KIF26B: variants seen among roughly 807,000 people sequenced by gnomAD.
KIF26B encodes kinesin family member 26B.
A neutral mutation model predicts 151.2 loss-of-function variants in KIF26B; 63 were observed. The observed-to-expected ratio is 0.42, with a 90% confidence interval of 0.34 to 0.51. The LOEUF (loss-of-function observed/expected upper bound fraction) is 0.51. KIF26B is among the 20% of genes least tolerant of loss of function. The probability of loss-of-function intolerance (pLI) is 0.07; values close to 1 mark genes in which losing one functional copy is unlikely to be tolerated. For missense variants in KIF26B, 2,813 were observed against 2,913.6 expected (o/e 0.97, Z 0.79); for synonymous variants, 1,357 against 1,262.1 (o/e 1.08, Z -1.59).
In KIF26B at chr1:245,704,219, A is replaced by G. The variant is rs1016439731; in HGVS notation, c.*1613A>G. ...ACGCTTCCCTTTTGCCCTCAAATGC[A>G]GCATATCTTCATGAGCCTATTTATT... On this transcript the variant is annotated 3_prime_UTR_variant, in exon 15 of 15. Transcript: ENST00000407071. The G allele has an allele frequency of 6.6e-6, 1 of 152,266 alleles. No individual in the cohort carries two copies. The highest frequency in any genetic ancestry group is 1.5e-5 in the Non-Finnish European group (1 of 68,062). 9.4% of individuals were successfully genotyped at this position (152,266 alleles called of 1,614,324 possible).
intron 9 of KIF26B, among the ~76,000 whole-genome samples, chr1:245,623,026 G>GTTTTTTTT (rs56666383): frequency 1.2e-4 from 13 of 111,854 alleles, no homozygotes; most frequent in Non-Finnish European, 2.0e-4. Flanking sequence ...TCGTGAGCAA[G>GTTTTTTTT]TTTTTTTTTT....
In KIF26B at chr1:245,705,202, CCTCGCAGGAT is replaced by C. The variant is rs1463106184; in HGVS notation, c.*2605_*2614del. The C allele has an allele frequency of 1.3e-5, 2 of 152,214 alleles. No individual in the cohort carries two copies. The highest frequency in any genetic ancestry group is 6.5e-5 in the Admixed American group (1 of 15,286). The allele number at this position is 152,214 out of a possible 1,614,324, so 9.4% of individuals were successfully genotyped here. ...TTCCCAAGATGGCAATCACAGAACA[CCTCGCAGGAT>C]CTCGCAGGCCACGGTGAAGGAGAAT... is the stretch of plus-strand genomic sequence containing the variant. On this transcript the variant is annotated 3_prime_UTR_variant, in exon 15 of 15. Transcript: ENST00000407071.
rs770512246 is a variant in KIF26B, at chr1:245,667,968, T to C, written c.2259-16265T>C. ...TGCAGTGCAGTGGCGCAATCTCAGC[T>C]CACTGCAACTTCCACCTCCCAGGTT... On this transcript the variant is annotated intron_variant, in intron 10 of 14. Coordinates refer to ENST00000407071, the MANE Select transcript of KIF26B (RefSeq NM_018012.4). This position sits in a 1 kb window ranked among gnomAD's most constrained non-coding sequence, Gnocchi z 4.3. Among the ~76,000 whole-genome samples, 1 of 152,204 alleles carries C rather than the reference T, an allele frequency of 6.6e-6. No homozygotes were observed.
intron 3 of KIF26B, among the ~76,000 whole-genome samples, chr1:245,407,522 C>G (rs551784212): frequency 2.6e-5 from 4 of 151,884 alleles, no homozygotes; most frequent in African/African-American, 4.8e-5. Context: ...CTTTCTTCCC[C>G]GAATCCAGCA....
chr1:245,623,916 G>A (rs548968297), intron 9 of KIF26B, among the ~76,000 whole-genome samples: 6 of 152,220 alleles, frequency 3.9e-5, no homozygotes, highest in Admixed American at 6.5e-5. Flanking sequence ...CTCTGTCCTC[G>A]CCCAAATTTC....
chr1:245,320,801 C>A (rs1234483383), intron 2 of KIF26B, among the ~76,000 whole-genome samples: 1 of 152,158 alleles, frequency 6.6e-6, no homozygotes, highest in African/African-American at 2.4e-5. Context: ...CCTCAGCCTT[C>A]TGAGTAGCTG....
chr1:245,681,996 A>G (rs141882882), intron 10 of KIF26B, among the ~76,000 whole-genome samples: 5,964 of 152,290 alleles, frequency 0.039, 314 homozygotes, highest in African/African-American at 0.12. Flanking sequence ...TAATCCCAGC[A>G]CTTTGGGAGG....
At chr1:245,306,065 G>GA (rs528843596) in intron 2 of KIF26B, among the ~76,000 whole-genome samples, 417 of 151,656 alleles carry the variant, frequency 2.7e-3, no homozygotes, top group Middle Eastern at 0.017. Flanking sequence ...CCCTTGTTAT[G>GA]AAAAAACATG....
At chr1:245,316,040 C>G (rs1163417892) in intron 2 of KIF26B, among the ~76,000 whole-genome samples, 1 of 152,188 alleles carries the variant, frequency 6.6e-6, no homozygotes, top group African/African-American at 2.4e-5. Context: ...GTGGGCCTAA[C>G]TAGACCACAG....
intron 5 of KIF26B, among the ~76,000 whole-genome samples, chr1:245,578,371 G>T (rs751099601): frequency 2.0e-5 from 3 of 152,222 alleles, no homozygotes; most frequent in African/African-American, 4.8e-5. Flanking sequence ...ATCCTTGTGT[G>T]CAAGTCCTGA....
intron 2 of KIF26B, among the ~76,000 whole-genome samples, chr1:245,235,616 G>A (rs192267314): frequency 6.6e-6 from 1 of 151,852 alleles, no homozygotes; most frequent in African/African-American, 2.4e-5. Context: ...AGGGAGAGAC[G>A]GAGGGAGAGA....
rs570247434 is a variant in KIF26B at position 245,303,493 on chromosome 1, C to T, written c.466-63341C>T. 1.1e-4 allele frequency among the ~76,000 whole-genome samples: 16 copies of T among 152,266 alleles called. No homozygotes were observed. The East Asian group carries it at 1.5e-3, about 15-fold the overall frequency. On this transcript the variant is annotated intron_variant, in intron 2 of 14. Coordinates refer to ENST00000407071, the MANE Select transcript of KIF26B (RefSeq NM_018012.4). ...GATTACAGGCGTAAGCCACCGCGCC[C>T]GGCCCTAAATGTTCTTAAAGATCCT...
chr1:245,337,748 A>G (rs1672265070), intron 2 of KIF26B, among the ~76,000 whole-genome samples: 1 of 152,218 alleles, frequency 6.6e-6, no homozygotes, highest in African/African-American at 2.4e-5. Flanking sequence ...CCCATAAGTC[A>G]TTTATCGAGC....
intron 2 of KIF26B, among the ~76,000 whole-genome samples, chr1:245,195,026 G>C (rs1239540276): frequency 6.6e-6 from 1 of 152,116 alleles, no homozygotes; most frequent in Non-Finnish European, 1.5e-5. Flanking sequence ...CAACTAGTTG[G>C]GAGGCCTCAA....
At chr1:245,373,116 T>C (rs568702040) in intron 3 of KIF26B, among the ~76,000 whole-genome samples, 1 of 152,328 alleles carries the variant, frequency 6.6e-6, no homozygotes, top group South Asian at 2.1e-4. Context: ...TTTGATCTCT[T>C]TTGCTAAATC....
At chr1:245,359,875 T>TTTC (rs1491126085) in intron 2 of KIF26B, among the ~76,000 whole-genome samples, 8 of 112,000 alleles carry the variant, frequency 7.1e-5, no homozygotes, top group African/African-American at 5.4e-4. Flanking sequence ...TCTTTCTTTC[T>TTTC]TTTTTTTTTT....
chr1:245,155,441 G>A lies in KIF26B; in HGVS notation c.17G>A (p.Gly6Glu), dbSNP rs370230230. 10 of 1,612,218 alleles carry A rather than the reference G, an allele frequency of 6.2e-6. No individual in the cohort carries two copies. Among genetic ancestry groups the A allele is most frequent in the Non-Finnish European group, 8.5e-6 (10 of 1,179,216 alleles). Residue 6 changes from glycine to glutamate, a missense_variant, in exon 1 of 15, where the codon GGG becomes GAG. By Grantham distance (98) the Gly-to-Glu change is moderately conservative. This residue lies in a region of KIF26B where 676 missense variants were observed against 688.1 expected (regional missense o/e 0.98). Coordinates refer to ENST00000407071, the MANE Select transcript of KIF26B (RefSeq NM_018012.4). ...AAAGCCACCATGAATTCGGTAGCTG[G>A]GAATAAAGAGAGGCTTGCGGTCTCC... MNSVA[G>E]NKERLAVSTR...
intron 2 of KIF26B, among the ~76,000 whole-genome samples, chr1:245,258,416 A>G (rs993662127): frequency 2.0e-5 from 3 of 152,170 alleles, no homozygotes; most frequent in Non-Finnish European, 4.4e-5. Flanking sequence ...GCAGGAGCTC[A>G]TTTCTGACCT....
chr1:245,156,411 T>C lies in KIF26B; in HGVS notation c.193T>C (p.Ser65Pro), dbSNP rs2103515020. The change falls in exon 2 of 15, where the codon TCC becomes CCC. Residue 65 changes from serine (S) to proline (P), a missense_variant. Coordinates refer to ENST00000407071, the MANE Select transcript of KIF26B (RefSeq NM_018012.4). ...TPEGAGSALG[S>P]SGTPSPGSGT... is the part of the protein sequence containing the mutation. ...TGAGGGCGCGGGCTCAGCGCTCGGC[T>C]CCTCGGGGACCCCGTCTCCCGGCTC... 1 of 1,533,934 alleles carries C rather than the reference T, an allele frequency of 6.5e-7. No individual in the cohort carries two copies. Among genetic ancestry groups the C allele is most frequent in the Non-Finnish European group, 8.8e-7 (1 of 1,142,136 alleles).
Sources: gnomAD v4.1 joint callset for allele counts (sites outside exome capture counted in the v4.1 genomes callset) on GRCh38, gnomAD v4.1.1 for gene constraint, gnomAD v4.1.1 regional missense constraint, Gnocchi (gnomAD v3.1) non-coding constraint, MANE v1.5 for transcripts, NCBI Gene and HGNC (gene_info 2026-07-23, HGNC 2026-07-21) for gene names.